The following COL4A3 variants were observed in gnomAD, a reference collection of about 807,000 sequenced individuals.
COL4A3 encodes the protein collagen alpha-3(IV) chain.
In COL4A3, 135 loss-of-function variants were observed where a neutral mutation model predicts 217.4. The ratio of observed to expected loss-of-function variants is 0.62; its 90% CI spans 0.54 to 0.72. COL4A3 has a LOEUF of 0.72. Among genes scored for constraint, COL4A3 ranks in the 30% least tolerant of loss-of-function variants. The pLI, the probability that COL4A3 is intolerant of heterozygous loss-of-function variation, is 0.00. For synonymous variants in COL4A3, 690 were observed against 736.3 expected (o/e 0.94, Z 1.02); for missense variants, 1,868 against 2,119.9 (o/e 0.88, Z 2.33).
At position 227,298,600 on chromosome 2, in the gene COL4A3, ACTT is replaced by A. The variant is rs1274110673; in HGVS notation, c.3752-80_3752-78del. On this transcript the variant is annotated intron_variant, in intron 42 of 51. Transcript: ENST00000396578. ...TGGCAATGCTAAGTGAAGGGTTTAT[ACTT>A]CATTAGAAACAATCACTGATAAATA... is the stretch of plus-strand genomic sequence containing the variant. The A allele has an allele frequency of 2.5e-6, 4 of 1,572,632 alleles. No individual in the cohort carries two copies. The African/African-American group carries it at 5.4e-5, about 21-fold the overall frequency.
rs78713266 is a variant in COL4A3 at position 227,188,471 on chromosome 2, G to A, written c.87+23658G>A. On this transcript the variant is annotated intron_variant, in intron 1 of 51. Coordinates refer to ENST00000396578, the MANE Select transcript of COL4A3 (RefSeq NM_000091.5). ...ACCCAGGCCACCGAGAGGGATATCC[G>A]GTCAGGTCAGCTATTTTTAAAGCAC... 3.9e-3 allele frequency among the ~76,000 whole-genome samples: 588 copies of A among 151,290 alleles called. 7 individuals are homozygous for A. Among genetic ancestry groups the A allele is most frequent in the African/African-American group, 0.013 (543 of 41,158 alleles).
In COL4A3 at chr2:227,293,244, T is replaced by C; in HGVS notation, c.3264T>C (p.Pro1088=). 1 of 1,613,928 alleles carries C rather than the reference T, an allele frequency of 6.2e-7. No homozygotes were observed. ...DMGKKGEMGQ[P]GPPGHLGPAG... ...GAAAGAAAGGAGAAATGGGGCAACCTGGCCCACCTGGACATTTGGGGCCTG... is the reference window on the plus strand; with the variant it reads ...GAAAGAAAGGAGAAATGGGGCAACCCGGCCCACCTGGACATTTGGGGCCTG... Residue 1088 remains proline, a synonymous_variant, in exon 38 of 52, where the codon CCT becomes CCC. Coordinates refer to ENST00000396578, the MANE Select transcript of COL4A3 (RefSeq NM_000091.5).
chr2:227,266,887 A>G, intron 22 of COL4A3, 106 bp from the exon 23 acceptor site: 2 of 787,642 alleles, frequency 2.5e-6, no homozygotes, highest in Admixed American at 2.0e-5. Context: ...TTTTCACTAC[A>G]TAAAAATGTT....
At chr2:227,181,141 CT>C (rs2065855921) in intron 1 of COL4A3, among the ~76,000 whole-genome samples, 2 of 152,056 alleles carry the variant, frequency 1.3e-5, no homozygotes, top group East Asian at 1.9e-4. Flanking sequence ...GAAAAAATAC[CT>C]GGTATAGAGA....
intron 50 of COL4A3, among the ~76,000 whole-genome samples, chr2:227,310,461 C>T (rs761315413): frequency 4.6e-5 from 7 of 152,174 alleles, no homozygotes; most frequent in African/African-American, 1.7e-4. Flanking sequence ...GGACTACAGG[C>T]ACATGCCACC....
chr2:227,228,804 TA>T (rs574834325), intron 1 of COL4A3, among the ~76,000 whole-genome samples: 4 of 152,312 alleles, frequency 2.6e-5, no homozygotes, highest in African/African-American at 9.6e-5. Context: ...TTTACAGTGC[TA>T]GGGGGATATA....
chr2:227,279,971 G>A, intron 29 of COL4A3, 81 bp downstream of exon 29: 1 of 849,540 alleles, frequency 1.2e-6, no homozygotes, highest in South Asian at 1.5e-5. Flanking sequence ...ATCTGGCAGA[G>A]CACTCTAGAT....
intron 1 of COL4A3, among the ~76,000 whole-genome samples, chr2:227,202,191 G>A (rs1233157145): frequency 1.3e-5 from 2 of 152,112 alleles, no homozygotes; most frequent in Non-Finnish European, 2.9e-5. Context: ...GTCAATATTA[G>A]AGCACACCAG....
chr2:227,256,276 A>C, intron 16 of COL4A3, 67 bp from the exon 17 acceptor site: 1 of 1,432,836 alleles, frequency 7.0e-7, no homozygotes, highest in Non-Finnish European at 9.8e-7. Flanking sequence ...TTCAAATTGC[A>C]CCTGCTCCCC....
rs768580153 is a variant in COL4A3, at chr2:227,314,723, A to G, written c.*2853A>G. 5.3e-5 allele frequency: 8 copies of G among 151,860 alleles called. No homozygotes were observed. The highest frequency in any genetic ancestry group is 1.4e-4 in the African/African-American group (6 of 41,398). The allele number at this position is 151,860 out of a possible 1,614,324, so 9.4% of individuals were successfully genotyped here. ...AAGATTATAATATTTTAATGTACTA[A>G]TATTTCTGTAATTATATCTAAAATA... On this transcript the variant is annotated 3_prime_UTR_variant, in exon 52 of 52. Transcript: ENST00000396578.
At chr2:227,276,294 G>A in intron 26 of COL4A3, 91 bp from the exon 27 acceptor site, 1 of 991,156 alleles carries the variant, frequency 1.0e-6, no homozygotes. Flanking sequence ...TTGGGGATAT[G>A]TTTATAAACC....
chr2:227,246,278 A>C (rs2069333432), intron 6 of COL4A3: 1 of 541,514 alleles, frequency 1.8e-6, no homozygotes, highest in Non-Finnish European at 3.3e-6. Flanking sequence ...GTGTGTATAA[A>C]TCAGAAACCA....
intron 15 of COL4A3, 75 bp from the exon 16 acceptor site, chr2:227,255,951 T>C (rs1374927517): frequency 1.4e-6 from 2 of 1,439,084 alleles, no homozygotes; most frequent in Non-Finnish European, 2.0e-6. Context: ...GATGATCATA[T>C]CACTTAAGAT....
chr2:227,253,250 T>A lies in COL4A3; in HGVS notation c.646-46T>A. ...ACTTTGATGGGTTTAGACTATTTAT[T>A]CATATTTATTTTTAGAAAATAATTT... is the stretch of plus-strand genomic sequence containing the variant. On this transcript the variant is annotated intron_variant, in intron 11 of 51. Coordinates refer to ENST00000396578, the MANE Select transcript of COL4A3 (RefSeq NM_000091.5). This position sits in a 1 kb window ranked among gnomAD's most constrained non-coding sequence, Gnocchi z 4.4. 1.3e-6 allele frequency: 2 copies of A among 1,511,674 alleles called. No homozygotes were observed. Among genetic ancestry groups the A allele is most frequent in the Non-Finnish European group, 1.8e-6 (2 of 1,087,536 alleles). 93.6% of individuals were successfully genotyped at this position (1,511,674 alleles called of 1,614,324 possible).
chr2:227,292,660 T>C (rs1174908424), intron 37 of COL4A3, among the ~76,000 whole-genome samples: 2 of 152,226 alleles, frequency 1.3e-5, no homozygotes, highest in Admixed American at 6.5e-5. Flanking sequence ...TTTTAAAACA[T>C]GTGATTGACA....
intron 34 of COL4A3, among the ~76,000 whole-genome samples, chr2:227,287,059 A>G (rs1252342953): frequency 6.6e-6 from 1 of 152,182 alleles, no homozygotes; most frequent in Non-Finnish European, 1.5e-5. Context: ...TAGGCTAGGT[A>G]GTAAGTATCT....
chr2:227,225,739 T>C (rs1004626866), intron 1 of COL4A3, among the ~76,000 whole-genome samples: 3 of 145,262 alleles, frequency 2.1e-5, no homozygotes, highest in African/African-American at 5.1e-5. Context: ...TTGAGACAGA[T>C]CTCACCCTGT....
chr2:227,230,324 G>C lies in COL4A3; in HGVS notation c.88-7644G>C, dbSNP rs144846949. On this transcript the variant is annotated intron_variant, in intron 1 of 51. Coordinates refer to ENST00000396578, the MANE Select transcript of COL4A3 (RefSeq NM_000091.5). ...AAGTGCTAAAACATCATGTAATCTC[G>C]GGTCATTTCCTGATGGCAGGAGGGG... Among the ~76,000 whole-genome samples the C allele has an allele frequency of 2.1e-3, 324 of 152,158 alleles. 1 individual carries two copies. The highest frequency in any genetic ancestry group is 6.8e-3 in the Middle Eastern group (2 of 294).
rs369517619 is a variant in COL4A3, at chr2:227,244,346, G to C, written c.261G>C (p.Thr87=). The change falls in exon 4 of 52, where the codon ACG becomes ACC. Residue 87 remains threonine, a synonymous_variant. Transcript: ENST00000396578. ...GCTTTCCAGGACTTCCAGGACTCAC[G>C]GGTTCCAAAGGTGTAAGGGTTAGTA... ...PKGFPGLPGL[T]GSKGVRGISG... 178 of 1,613,662 alleles carry C rather than the reference G, an allele frequency of 1.1e-4. No homozygotes were observed. The highest frequency in any genetic ancestry group is 1.0e-4 in the Non-Finnish European group (122 of 1,179,868).
Sources: allele counts gnomAD v4.1 joint callset (sites outside exome capture counted in the v4.1 genomes callset), GRCh38; gene constraint gnomAD v4.1.1; non-coding constraint Gnocchi (gnomAD v3.1); transcripts MANE v1.5; gene names NCBI Gene and HGNC (gene_info 2026-07-23, HGNC 2026-07-21).